The following SASS6 variants were observed in gnomAD, a reference collection of about 807,000 sequenced individuals.
SASS6 encodes SAS-6 centriolar assembly protein.
In SASS6, 59 loss-of-function variants were observed where a neutral mutation model predicts 94.9. The observed-to-expected ratio is 0.62, with a 90% CI of 0.50 to 0.77. The LOEUF (loss-of-function observed/expected upper bound fraction) is 0.77. SASS6 is among the 30% of genes least tolerant of loss of function. SASS6 has a pLI of 0.00. For missense variants in SASS6, 698 were observed against 734.1 expected, an observed-to-expected ratio of 0.95 and a Z score of 0.57; for synonymous variants, 264 against 270.0, an observed-to-expected ratio of 0.98 and a Z score of 0.22.
At chr1:100,116,974 A>G (rs1434068714) in intron 7 of SASS6, among the ~76,000 whole-genome samples, 2 of 152,158 alleles carry the variant, frequency 1.3e-5, no homozygotes, top group Non-Finnish European at 2.9e-5. Flanking sequence ...TAAAGTACAT[A>G]AAAACAACAA....
chr1:100,112,432 C>T (rs1340570521), intron 7 of SASS6, among the ~76,000 whole-genome samples: 2 of 151,770 alleles, frequency 1.3e-5, no homozygotes, highest in African/African-American at 2.4e-5. Flanking sequence ...AAAGCTTCTA[C>T]AAAGAAATTA....
intron 7 of SASS6, among the ~76,000 whole-genome samples, chr1:100,116,201 G>A (rs1212228369): frequency 3.3e-5 from 5 of 152,114 alleles, no homozygotes; most frequent in African/African-American, 9.7e-5. Flanking sequence ...CCAATAAAAA[G>A]TGAAAAGGCA....
intron 1 of SASS6, among the ~76,000 whole-genome samples, chr1:100,129,394 G>C (rs1000916880): frequency 6.6e-6 from 1 of 152,034 alleles, no homozygotes; most frequent in Non-Finnish European, 1.5e-5. Context: ...GGGGAGGGAA[G>C]GGTTACCAAC....
chr1:100,104,654 T>G (rs190002427), intron 13 of SASS6, among the ~76,000 whole-genome samples: 60 of 152,032 alleles, frequency 3.9e-4, no homozygotes, highest in Admixed American at 1.6e-3. Flanking sequence ...GAGACAGGGT[T>G]TCACCACGTT....
At chr1:100,125,669 C>CAAAAA (rs11299065) in intron 2 of SASS6, among the ~76,000 whole-genome samples, 6 of 80,348 alleles carry the variant, frequency 7.5e-5, no homozygotes, top group South Asian at 4.3e-4. Context: ...GACTCCATCT[C>CAAAAA]AAAAAAAAAA....
rs568524628 is a variant in SASS6 at position 100,106,967 on chromosome 1, T to A, written c.1353A>T (p.Glu451Asp). ...TTTCTTCAAGTTTTTTAACTGTAGCTTCTAATTGTTCTTGTAATTTGCATA... is the reference window on the plus strand; with the variant it reads ...TTTCTTCAAGTTTTTTAACTGTAGCATCTAATTGTTCTTGTAATTTGCATA... ...QEVCKLQEQL[E>D]ATVKKLEESK... Residue 451 changes from glutamate (E) to aspartate (D), a missense_variant, in exon 12 of 17, where the codon GAA (glutamate) becomes GAT (aspartate). Glu to Asp is a conservative substitution (Grantham distance 45). Transcript: ENST00000287482. 7.0e-7 allele frequency: 1 copy of A among 1,430,120 alleles called. No homozygotes were observed. Among genetic ancestry groups the A allele is most frequent in the East Asian group, 2.3e-5 (1 of 43,770 alleles). The allele number at this position is 1,430,120 out of a possible 1,614,324, so 88.6% of individuals were successfully genotyped here. A position where few individuals can be genotyped will look rare whatever the true frequency, so the allele number is the denominator to read the frequency against.
chr1:100,122,336 G>T (rs1028904622), intron 4 of SASS6, 44 bp downstream of exon 4: 2 of 851,368 alleles, frequency 2.3e-6, no homozygotes, highest in Non-Finnish European at 1.9e-6. Context: ...AGAAGAGTCT[G>T]TCTTGAATTA....
intron 13 of SASS6, 105 bp from the exon 14 acceptor site, chr1:100,103,188 G>A (rs1226432581): frequency 4.4e-6 from 3 of 675,408 alleles, no homozygotes; most frequent in Non-Finnish European, 7.4e-6. Context: ...ATAATTAAGA[G>A]AGCACTATCT....
At position 100,084,272 on chromosome 1, in the gene SASS6, G is replaced by A. The variant is rs1651064777; in HGVS notation, c.*1056C>T. 6.6e-6 allele frequency: 1 copy of A among 151,850 alleles called. No homozygotes were observed. The highest frequency in any genetic ancestry group is 2.1e-4 in the South Asian group (1 of 4,808). The allele number at this position is 151,850 out of a possible 1,614,324, so 9.4% of individuals were successfully genotyped here. ...TGAAAATAATTTTAAATTATCACAT[G>A]AGCATTAGTACTTTATAAAAATTGA... On this transcript the variant is annotated 3_prime_UTR_variant, in exon 17 of 17. Transcript: ENST00000287482.
chr1:100,107,521 A>G lies in SASS6; in HGVS notation c.1179T>C (p.Asp393=). Residue 393 remains aspartate (D), a synonymous_variant, in exon 11 of 17, where the codon GAT becomes GAC. Coordinates refer to ENST00000287482, the MANE Select transcript of SASS6 (RefSeq NM_194292.3). The stretch of plus-strand genomic sequence containing the variant: ...TCAACTTACCCATTAAAGTTTTCAG[A>G]TCCCCTTGTAACTTCTTGATAATTT... ...ANEIIKKLQG[D]LKTLMGKLKL... 1 of 1,606,392 alleles carries G rather than the reference A, an allele frequency of 6.2e-7. No homozygotes were observed. The highest frequency in any genetic ancestry group is 8.5e-7 in the Non-Finnish European group (1 of 1,174,650).
At position 100,132,835 on chromosome 1, in the gene SASS6, G is replaced by GGT; in HGVS notation, c.-23_-22dup. The GGT allele has an allele frequency of 6.2e-7, 1 of 1,612,042 alleles. No homozygotes were observed. Among genetic ancestry groups the GGT allele is most frequent in the South Asian group, 1.1e-5 (1 of 91,044 alleles). On this transcript the variant is annotated 5_prime_UTR_variant, in exon 1 of 17. Transcript: ENST00000287482. The stretch of plus-strand genomic sequence containing the variant: ...CTCATGTTGGCTCGCTGCCTCGGCT[G>GGT]GTGTGCAGAAAAGCCCAACAGGCCC...
At chr1:100,113,520 C>T (rs533113786) in intron 7 of SASS6, among the ~76,000 whole-genome samples, 12 of 151,562 alleles carry the variant, frequency 7.9e-5, no homozygotes, top group East Asian at 7.8e-4. Flanking sequence ...ACTCAGGAGG[C>T]TGAGGCAGGA....
At chr1:100,114,472 C>A (rs1047598471) in intron 7 of SASS6, among the ~76,000 whole-genome samples, 1 of 151,148 alleles carries the variant, frequency 6.6e-6, no homozygotes, top group Non-Finnish European at 1.5e-5. Flanking sequence ...TCATTTGAGG[C>A]CAGAAGATTG....
chr1:100,103,734 A>T (rs1034413997), intron 13 of SASS6, among the ~76,000 whole-genome samples: 11 of 152,248 alleles, frequency 7.2e-5, no homozygotes, highest in Admixed American at 3.3e-4. Context: ...AGCCCCAGGC[A>T]CTTCTTTCTG....
In SASS6 at chr1:100,107,508, T is replaced by A; in HGVS notation, c.1192A>T (p.Met398Leu). Residue 398 changes from methionine (M) to leucine (L), a missense_variant, in exon 11 of 17, where the codon ATG (methionine) becomes TTG (leucine). Coordinates refer to ENST00000287482, the MANE Select transcript of SASS6 (RefSeq NM_194292.3). ...KKLQGDLKTL[M>L]GKLKLKNTVT... is the part of the protein sequence containing the mutation. ...GTATTCTTCAATTTCAACTTACCCA[T>A]TAAAGTTTTCAGATCCCCTTGTAAC... 1.9e-6 allele frequency: 3 copies of A among 1,608,422 alleles called. No homozygotes were observed. The highest frequency in any genetic ancestry group is 2.6e-6 in the Non-Finnish European group (3 of 1,175,968).
intron 14 of SASS6, among the ~76,000 whole-genome samples, chr1:100,097,696 G>A (rs778367278): frequency 2.7e-4 from 41 of 152,112 alleles, no homozygotes; most frequent in Non-Finnish European, 5.1e-4. Context: ...GGGCATGGTG[G>A]CACACACCTG....
chr1:100,113,274 G>A lies in SASS6; in HGVS notation c.670-2791C>T, dbSNP rs147667302. Among the ~76,000 whole-genome samples the A allele has an allele frequency of 1.7e-3, 260 of 152,056 alleles. 4 individuals are homozygous for A. The highest frequency in any genetic ancestry group is 2.9e-3 in the Non-Finnish European group (195 of 67,988). On this transcript the variant is annotated intron_variant, in intron 7 of 16. Transcript: ENST00000287482. ...AAACTTGCACATGTACCCCTGAATC[G>A]AACAACAACGTCAAGAAGAACACAA...
At chr1:100,094,323 C>T (rs58804551) in intron 14 of SASS6, among the ~76,000 whole-genome samples, 6,158 of 152,014 alleles carry the variant, frequency 0.041, 439 homozygotes, top group African/African-American at 0.14. Context: ...AAAAAGCCTC[C>T]GGCAAAAAAA....
rs972446190 is a variant in SASS6 at position 100,112,005 on chromosome 1, G to C, written c.670-1522C>G. On this transcript the variant is annotated intron_variant, in intron 7 of 16. Transcript: ENST00000287482. Reference sequence around the variant, plus strand: ...GTTTAAAAAAAAAGTGTGAGAACTAGCATTATAAAGTTCACATTTTCTACT... The same window carrying C: ...GTTTAAAAAAAAAGTGTGAGAACTACCATTATAAAGTTCACATTTTCTACT... 2.6e-5 allele frequency among the ~76,000 whole-genome samples: 4 copies of C among 151,950 alleles called. No homozygotes were observed. The East Asian group carries it at 7.7e-4, about 29-fold the overall frequency.
Sources: allele counts gnomAD v4.1 joint callset (sites outside exome capture counted in the v4.1 genomes callset), GRCh38; gene constraint gnomAD v4.1.1; transcripts MANE v1.5; gene names NCBI Gene and HGNC (gene_info 2026-07-23, HGNC 2026-07-21).